Variants in MCF2L observed in about 807,000 individuals in gnomAD.
MCF2L encodes the protein MCF.2 cell line derived transforming sequence like.
MCF2L carries 97 observed loss-of-function variants against 153.4 expected under a neutral mutation model. The ratio of observed to expected loss-of-function variants is 0.63; its 90% CI spans 0.54 to 0.75. The LOEUF (loss-of-function observed/expected upper bound fraction) is 0.75. MCF2L is among the 30% of genes least tolerant of loss of function. MCF2L has a pLI of 0.00. For missense variants in MCF2L, 1,347 were observed against 1,495.2 expected, an observed-to-expected ratio of 0.90 and a Z score of 1.64; for synonymous variants, 659 against 632.2, an observed-to-expected ratio of 1.04 and a Z score of -0.64.
chr13:113,088,757 G>C (rs560722154), intron 25 of MCF2L, 129 bp downstream of exon 25: 1 of 919,118 alleles, frequency 1.1e-6, no homozygotes, highest in South Asian at 1.4e-5. Flanking sequence ...GAGGCCCCTG[G>C]TGTTTATGTG....
At chr13:113,095,126 A>G in intron 27 of MCF2L, 1 of 1,320,846 alleles carries the variant, frequency 7.6e-7, no homozygotes, top group Non-Finnish European at 1.0e-6. Context: ...ACTGCTAAGC[A>G]TGGATTTGCA....
Position 113,088,596 on chromosome 13 carries a change from G to C in MCF2L, c.2802G>C (p.Gln934His). The C allele has an allele frequency of 6.2e-7, 1 of 1,609,724 alleles. No individual in the cohort carries two copies. The highest frequency in any genetic ancestry group is 1.1e-5 in the South Asian group (1 of 90,996). ...ASQHRALEQS[Q>H]SLPLPAPTST... is the part of the protein sequence containing the mutation. Reference sequence around the variant, plus strand: ...AGCACCGGGCGCTGGAGCAGTCACAGAGCCTGCCCCTGCCGGCCCCGACCA... The same window carrying C: ...AGCACCGGGCGCTGGAGCAGTCACACAGCCTGCCCCTGCCGGCCCCGACCA... Residue 934 changes from glutamine (Q) to histidine (H), a missense_variant, in exon 25 of 30, where the codon CAG becomes CAC. Physicochemically the swap from Gln to His is conservative, Grantham distance 24. Around this residue, in one of 3 missense-constraint regions of MCF2L, gnomAD observed 383 missense variants for 335.4 expected, o/e 1.14. Coordinates refer to ENST00000535094, the MANE Select transcript of MCF2L (RefSeq NM_001112732.3).
rs909931930 is a variant in MCF2L, at chr13:113,091,246, C to T, written c.2953+1518C>T. ...ACCCACTCTGCGTTGGCAGGAAGCGCGGCCCAGCTGGCTGTCAGGTGGCCG... is the reference window on the plus strand; with the variant it reads ...ACCCACTCTGCGTTGGCAGGAAGCGTGGCCCAGCTGGCTGTCAGGTGGCCG... On this transcript the variant is annotated intron_variant, in intron 26 of 29. Transcript: ENST00000535094. 1.0e-4 allele frequency: 132 copies of T among 1,299,244 alleles called. 2 individuals carry two copies. In the South Asian group the frequency reaches 1.2e-3, roughly 12 times the overall value. 80.5% of individuals were successfully genotyped at this position (1,299,244 alleles called of 1,614,324 possible). A position where few individuals can be genotyped will look rare whatever the true frequency, so the allele number is the denominator to read the frequency against.
rs187967862 is a variant in MCF2L, at chr13:113,084,816, T to C, written c.2062-76T>C. The C allele has an allele frequency of 6.7e-5, 73 of 1,097,556 alleles. No homozygotes were observed. In the South Asian group the frequency reaches 6.9e-4, roughly 10 times the overall value. The allele number at this position is 1,097,556 out of a possible 1,614,324, so 68.0% of individuals were successfully genotyped here. Reference sequence around the variant, plus strand: ...GCGGTGCCCGTCCCTCACCGCGTAATGCGGTGCCCGTCCCTCACCGCGTGA... The same window carrying C: ...GCGGTGCCCGTCCCTCACCGCGTAACGCGGTGCCCGTCCCTCACCGCGTGA... On this transcript the variant is annotated intron_variant, in intron 18 of 29. Coordinates refer to ENST00000535094, the MANE Select transcript of MCF2L (RefSeq NM_001112732.3).
chr13:113,075,173 AC>A lies in MCF2L; in HGVS notation c.1294del (p.Arg432AlafsTer7). On this transcript the variant is annotated frameshift_variant, in exon 11 of 30. Transcript: ENST00000535094. LOFTEE classifies it high-confidence loss of function. Reference sequence around the variant, plus strand: ...CTGCTCAGCAAGTCCCTGGAGCTGCACCGCCGCCTGGAGACGGTAGGCCGAG... The same window carrying A: ...CTGCTCAGCAAGTCCCTGGAGCTGCACGCCGCCTGGAGACGGTAGGCCGAG... ...RGLLSKSLEL[H>X]RRLETSMKWC... 1 of 1,598,210 alleles carries A rather than the reference AC, an allele frequency of 6.3e-7. No individual in the cohort carries two copies. The highest frequency in any genetic ancestry group is 8.6e-7 in the Non-Finnish European group (1 of 1,168,894).
At chr13:113,018,693 G>T (rs1432709160) in intron 2 of MCF2L, among the ~76,000 whole-genome samples, 1 of 152,214 alleles carries the variant, frequency 6.6e-6, no homozygotes, top group East Asian at 1.9e-4. Flanking sequence ...CAGGGCGGGA[G>T]AATTTACCAC....
Position 113,064,892 on chromosome 13 carries a change from G to A in MCF2L, c.607-44G>A. ...CTGCTTTCAGGGCAGCAGGAGGTGG[G>A]TGCAGTGCACAAGGCATGCAATTGT... On this transcript the variant is annotated intron_variant, in intron 6 of 29. Coordinates refer to ENST00000535094, the MANE Select transcript of MCF2L (RefSeq NM_001112732.3). This position sits in a 1 kb window ranked among gnomAD's most constrained non-coding sequence, Gnocchi z 6.0. The A allele has an allele frequency of 6.3e-7, 1 of 1,581,068 alleles. No homozygotes were observed. Among genetic ancestry groups the A allele is most frequent in the Non-Finnish European group, 8.6e-7 (1 of 1,161,256 alleles).
At chr13:113,020,683 G>A (rs768734323) in intron 2 of MCF2L, among the ~76,000 whole-genome samples, 1 of 152,152 alleles carries the variant, frequency 6.6e-6, no homozygotes, top group Non-Finnish European at 1.5e-5. Context: ...CCTCCCACAA[G>A]CCCCACCTCC....
intron 2 of MCF2L, among the ~76,000 whole-genome samples, chr13:112,913,953 C>T (rs1037089095): frequency 2.0e-5 from 3 of 152,190 alleles, no homozygotes; most frequent in Non-Finnish European, 4.4e-5. Context: ...CCATCAGCCC[C>T]CCAATGCCTG....
In MCF2L at chr13:113,097,425, A is replaced by G. The variant is rs35126776; in HGVS notation, c.*566A>G. 4 of 152,246 alleles carry G rather than the reference A, an allele frequency of 2.6e-5. No homozygotes were observed. Among genetic ancestry groups the G allele is most frequent in the African/African-American group, 7.2e-5 (3 of 41,456 alleles). The allele number at this position is 152,246 out of a possible 1,614,324, so 9.4% of individuals were successfully genotyped here. ...CTATTTTTTTGTTACCGGGGTTTAC[A>G]TAGAAGCACGTTGTTTATACCACTA... On this transcript the variant is annotated 3_prime_UTR_variant, in exon 30 of 30. Transcript: ENST00000535094.
At chr13:112,898,563 A>G (rs1277835300) in intron 1 of MCF2L, among the ~76,000 whole-genome samples, 2 of 152,086 alleles carry the variant, frequency 1.3e-5, no homozygotes, top group Non-Finnish European at 2.9e-5. Context: ...ACGGCCATGC[A>G]GGCCCTGCTC....
rs571120063 is a variant in MCF2L, at chr13:112,917,221, C to T, written c.169+14850C>T. ...CCCCGGGCACTGCACCGCCCTGCCT[C>T]CGCAGAGCCTCCACCCGCATCCTAC... On this transcript the variant is annotated intron_variant, in intron 2 of 29. Transcript: ENST00000375608. 184 of 469,630 alleles carry T rather than the reference C, an allele frequency of 3.9e-4. 1 individual carries two copies. Among genetic ancestry groups the T allele is most frequent in the Non-Finnish European group, 3.8e-4 (85 of 226,376 alleles). 29.1% of individuals were successfully genotyped at this position (469,630 alleles called of 1,614,324 possible). A position where few individuals can be genotyped will look rare whatever the true frequency, so the allele number is the denominator to read the frequency against.
rs2086746453 is a variant in MCF2L at position 113,045,373 on chromosome 13, C to T, written c.369+12C>T. 1.2e-6 allele frequency: 2 copies of T among 1,611,514 alleles called. No homozygotes were observed. Among genetic ancestry groups the T allele is most frequent in the South Asian group, 2.2e-5 (2 of 91,068 alleles). On this transcript the variant is annotated intron_variant, in intron 4 of 29. Coordinates refer to ENST00000535094, the MANE Select transcript of MCF2L (RefSeq NM_001112732.3). The surrounding 1 kb of genome is among the most constrained non-coding windows in gnomAD (Gnocchi z 4.2). Reference sequence around the variant, plus strand: ...TCCTGCGCATCGCAGTAAGTGCCACCCGGGGCTCTGCCCTGCGCCCGGCCC... The same window carrying T: ...TCCTGCGCATCGCAGTAAGTGCCACTCGGGGCTCTGCCCTGCGCCCGGCCC...
At chr13:113,026,149 C>T (rs1387789061) in intron 3 of MCF2L, among the ~76,000 whole-genome samples, 2 of 149,146 alleles carry the variant, frequency 1.3e-5, no homozygotes, top group Non-Finnish European at 3.0e-5. Context: ...TGGGTCGGGG[C>T]AGAGTCTCTG....
intron 17 of MCF2L, among the ~76,000 whole-genome samples, chr13:113,082,807 C>T (rs1481134747): frequency 6.6e-6 from 1 of 152,120 alleles, no homozygotes; most frequent in African/African-American, 2.4e-5. Flanking sequence ...GCTCTGAGCC[C>T]GAGTGCGCCC....
At chr13:112,898,936 A>C (rs1345843482) in intron 1 of MCF2L, among the ~76,000 whole-genome samples, 4 of 146,450 alleles carry the variant, frequency 2.7e-5, no homozygotes, top group South Asian at 2.2e-4. Flanking sequence ...CCATCCCACC[A>C]CCCCACCCTG....
intron 2 of MCF2L, among the ~76,000 whole-genome samples, chr13:113,015,584 T>C (rs953682534): frequency 6.6e-6 from 1 of 152,110 alleles, no homozygotes; most frequent in African/African-American, 2.4e-5. Flanking sequence ...CCCCAATCCA[T>C]GGCTGGCACG....
At chr13:113,049,410 G>T (rs1487324959) in intron 4 of MCF2L, among the ~76,000 whole-genome samples, 1 of 152,200 alleles carries the variant, frequency 6.6e-6, no homozygotes, top group Non-Finnish European at 1.5e-5. Flanking sequence ...TCCTTGGAGA[G>T]GGCAGACCAG....
intron 1 of MCF2L, among the ~76,000 whole-genome samples, chr13:112,895,637 G>A (rs1594288090): frequency 1.3e-5 from 2 of 152,164 alleles, no homozygotes; most frequent in Admixed American, 6.5e-5. Flanking sequence ...TAGCTGGGGG[G>A]ACGGGACCCC....
Sources: gnomAD v4.1 joint callset for allele counts (sites outside exome capture counted in the v4.1 genomes callset) on GRCh38, gnomAD v4.1.1 for gene constraint, gnomAD v4.1.1 regional missense constraint, Gnocchi (gnomAD v3.1) non-coding constraint, MANE v1.5 for transcripts, NCBI Gene and HGNC (gene_info 2026-07-23, HGNC 2026-07-21) for gene names.